PARM1: variants seen among roughly 807,000 people sequenced by gnomAD.
The protein encoded by PARM1 is prostate androgen-regulated mucin-like protein 1, also known as WSC4, cell wall integrity and stress response component 4 homolog.
In PARM1, 14 loss-of-function variants were observed where a neutral mutation model predicts 24.6. The observed-to-expected ratio is 0.57, with a 90% CI of 0.38 to 0.89. The LOEUF (loss-of-function observed/expected upper bound fraction) is 0.89, where lower values mean the gene tolerates loss of function less well. Among genes scored for constraint, PARM1 ranks in the 40% least tolerant of loss-of-function variants. The pLI, the probability that PARM1 is intolerant of heterozygous loss-of-function variation, is 0.00. For synonymous variants in PARM1, 179 were observed against 156.6 expected, an observed-to-expected ratio of 1.14 and a Z score of -1.07; for missense variants, 362 against 380.4, an observed-to-expected ratio of 0.95 and a Z score of 0.40.
intron 3 of PARM1, among the ~76,000 whole-genome samples, chr4:75,045,400 A>G (rs1330123634): frequency 2.6e-5 from 4 of 152,250 alleles, no homozygotes; most frequent in African/African-American, 9.6e-5. Context: ...AGTGATAACA[A>G]TCTGATTTCA....
In PARM1 at chr4:75,013,022, C is replaced by T; in HGVS notation, c.641C>T (p.Pro214Leu). 1 of 1,614,008 alleles carries T rather than the reference C, an allele frequency of 6.2e-7. No individual in the cohort carries two copies. Among genetic ancestry groups the T allele is most frequent in the Non-Finnish European group, 8.5e-7 (1 of 1,179,886 alleles). ...CCCACTTCACATGCCACAGCTGAGC[C>T]AGTACCCCAGGAGAAAACACCCCCA... is the stretch of plus-strand genomic sequence containing the variant. Reference protein sequence around the residue: ...HTPTSHATAEPVPQEKTPPTT... With the variant: ...HTPTSHATAELVPQEKTPPTT... Residue 214 changes from proline (P) to leucine (L), a missense_variant, in exon 2 of 4, where the codon CCA becomes CTA. Physicochemically the swap from Pro to Leu is moderately conservative, Grantham distance 98 (BLOSUM62 -3). Transcript: ENST00000307428.
At chr4:75,032,628 T>G (rs907836684) in intron 2 of PARM1, among the ~76,000 whole-genome samples, 2 of 152,160 alleles carry the variant, frequency 1.3e-5, no homozygotes, top group African/African-American at 4.8e-5. Context: ...GGCATCTCAT[T>G]TAATCCCCTT....
chr4:75,037,818 A>G lies in PARM1; in HGVS notation c.848+3857A>G, dbSNP rs1017782494. Among the ~76,000 whole-genome samples, 9 of 152,258 alleles carry G rather than the reference A, an allele frequency of 5.9e-5. 1 individual carries two copies. Among genetic ancestry groups the G allele is most frequent in the African/African-American group, 2.2e-4 (9 of 41,470 alleles). ...CTTCAATCTGCAAAAAATAGAGTTA[A>G]TAATATGTATCTTTCAAGGTTGTTT... On this transcript the variant is annotated intron_variant, in intron 3 of 3. Transcript: ENST00000307428.
intron 3 of PARM1, among the ~76,000 whole-genome samples, chr4:75,042,264 C>G (rs911338115): frequency 6.6e-6 from 1 of 152,188 alleles, no homozygotes; most frequent in African/African-American, 2.4e-5. Context: ...AGGACATAGT[C>G]TGCCCTCAAG....
intron 1 of PARM1, among the ~76,000 whole-genome samples, chr4:74,974,915 A>G (rs1197276020): frequency 1.3e-5 from 2 of 152,158 alleles, no homozygotes; most frequent in Non-Finnish European, 2.9e-5. Flanking sequence ...AACCCAGGAA[A>G]GGGCATCTCC....
At chr4:74,942,882 G>C (rs1285525940) in intron 1 of PARM1, among the ~76,000 whole-genome samples, 3 of 152,026 alleles carry the variant, frequency 2.0e-5, no homozygotes, top group African/African-American at 7.2e-5. Flanking sequence ...TTTGTTCTTA[G>C]AGTAAAAGCC....
chr4:74,995,143 G>A (rs1722553220), intron 1 of PARM1, among the ~76,000 whole-genome samples: 1 of 152,166 alleles, frequency 6.6e-6, no homozygotes, highest in South Asian at 2.1e-4. Flanking sequence ...CTGGGGAAGT[G>A]TTTGCATTGT....
intron 1 of PARM1, among the ~76,000 whole-genome samples, chr4:74,999,477 A>C (rs1467265665): frequency 1.3e-5 from 2 of 152,120 alleles, no homozygotes; most frequent in Non-Finnish European, 2.9e-5. Context: ...AAAATCCATG[A>C]GGTGTAAATA....
At chr4:75,018,500 C>T (rs150061705) in intron 2 of PARM1, among the ~76,000 whole-genome samples, 16 of 152,272 alleles carry the variant, frequency 1.1e-4, no homozygotes, top group South Asian at 8.3e-4. Flanking sequence ...CATTGTCATG[C>T]ACTGATAGTA....
At chr4:74,949,239 G>A (rs79902663) in intron 1 of PARM1, among the ~76,000 whole-genome samples, 2,693 of 152,220 alleles carry the variant, frequency 0.018, 92 homozygotes, top group African/African-American at 0.062. Flanking sequence ...GAAAACCCAC[G>A]TTTCCTCTGA....
At chr4:74,999,627 T>G (rs1722640188) in intron 1 of PARM1, among the ~76,000 whole-genome samples, 1 of 152,236 alleles carries the variant, frequency 6.6e-6, no homozygotes, top group Admixed American at 6.5e-5. Flanking sequence ...TATACATAGT[T>G]GTTGAATTGA....
chr4:74,936,449 GTTTGT>G (rs1721187203), intron 1 of PARM1, among the ~76,000 whole-genome samples: 1 of 143,872 alleles, frequency 7.0e-6, no homozygotes, highest in Non-Finnish European at 1.5e-5. Context: ...TTTTTTTTTT[GTTTGT>G]TTTTTTGTTT....
At chr4:74,997,885 T>G (rs1722605142) in intron 1 of PARM1, 1 of 152,222 alleles carries the variant, frequency 6.6e-6, no homozygotes, top group African/African-American at 2.4e-5. Flanking sequence ...CAGCGACGCA[T>G]ATAGATTTAT....
chr4:74,961,416 T>C (rs1016384633), intron 1 of PARM1, among the ~76,000 whole-genome samples: 1 of 152,022 alleles, frequency 6.6e-6, no homozygotes, highest in Non-Finnish European at 1.5e-5. Context: ...CTGAAAACTT[T>C]CCAAATTTAA....
At chr4:74,964,815 G>A (rs772764863) in intron 1 of PARM1, among the ~76,000 whole-genome samples, 1 of 152,068 alleles carries the variant, frequency 6.6e-6, no homozygotes, top group Non-Finnish European at 1.5e-5. Flanking sequence ...GTAGTGACTA[G>A]CAACTAAACA....
At position 75,033,902 on chromosome 4, in the gene PARM1, C is replaced by T. The variant is rs745825447; in HGVS notation, c.789C>T (p.Thr263=). ...ALSSGSIAAI[T]VTVIAVVLLV... Reference sequence around the variant, plus strand: ...TCACAGGCAGCATCGCCGCCATTACCGTGACAGTCATTGCCGTGGTGCTGC... The same window carrying T: ...TCACAGGCAGCATCGCCGCCATTACTGTGACAGTCATTGCCGTGGTGCTGC... Residue 263 remains threonine (T), a synonymous_variant, in exon 3 of 4, where the codon ACC becomes ACT. Transcript: ENST00000307428. The T allele has an allele frequency of 5.1e-5, 82 of 1,603,454 alleles. 1 individual carries two copies. The highest frequency in any genetic ancestry group is 1.7e-6 in the Non-Finnish European group (2 of 1,175,040).
chr4:74,939,831 A>G (rs936548786), intron 1 of PARM1, among the ~76,000 whole-genome samples: 11 of 152,262 alleles, frequency 7.2e-5, no homozygotes, highest in Admixed American at 2.6e-4. Flanking sequence ...ATTAAGATAA[A>G]TTACCAGGTG....
intron 1 of PARM1, among the ~76,000 whole-genome samples, chr4:74,965,911 A>G (rs1200326187): frequency 6.6e-6 from 1 of 152,246 alleles, no homozygotes. Context: ...CCTGGAACAG[A>G]ATGAGGGCAT....
intron 1 of PARM1, among the ~76,000 whole-genome samples, chr4:74,954,141 C>T (rs1460449223): frequency 6.6e-6 from 1 of 152,226 alleles, no homozygotes; most frequent in African/African-American, 2.4e-5. Context: ...TTCACTATTT[C>T]AGCAAGAGCT....
Sources: gnomAD v4.1 joint callset for allele counts (sites outside exome capture counted in the v4.1 genomes callset) on GRCh38, gnomAD v4.1.1 for gene constraint, MANE v1.5 for transcripts, NCBI Gene and HGNC (gene_info 2026-07-23, HGNC 2026-07-21) for gene names.